Variants in ATOSA observed in about 807,000 individuals in gnomAD.
The protein encoded by ATOSA is atos homolog protein A.
At chr15:52,630,770 G>C in the ATOSA span, among the ~76,000 whole-genome samples, 3 of 151,904 alleles carry the variant, frequency 2.0e-5, no homozygotes, top group African/African-American at 4.8e-5. Context: ...CAAAATTTTG[G>C]AAAAAACAAG....
At chr15:52,584,792 G>A in the ATOSA span, 1 of 1,613,692 alleles carries the variant, frequency 6.2e-7, no homozygotes, top group Non-Finnish European at 8.5e-7. Flanking sequence ...TGTGTCGGAT[G>A]TTCTCTTTAT....
At chr15:52,586,273 C>T in the ATOSA span, 1 of 152,074 alleles carries the variant, frequency 6.6e-6, no homozygotes, top group Non-Finnish European at 1.5e-5. Context: ...TATACACACA[C>T]GTACACATGT....
chr15:52,632,746 A>T, the ATOSA span, among the ~76,000 whole-genome samples: 4 of 152,196 alleles, frequency 2.6e-5, no homozygotes, highest in Non-Finnish European at 4.4e-5. Context: ...ATTTTATACA[A>T]AGGACCAGAA....
the ATOSA span, among the ~76,000 whole-genome samples, chr15:52,623,625 T>C: frequency 6.6e-6 from 1 of 152,046 alleles, no homozygotes; most frequent in Non-Finnish European, 1.5e-5. Context: ...TGGTCAATGG[T>C]CTCAAACACT....
chr15:52,673,338 T>C, the ATOSA span, among the ~76,000 whole-genome samples: 1 of 152,240 alleles, frequency 6.6e-6, no homozygotes, highest in Non-Finnish European at 1.5e-5. Flanking sequence ...CAAAATCTTA[T>C]GGTATTTTAA....
the ATOSA span, among the ~76,000 whole-genome samples, chr15:52,594,665 T>C: frequency 2.6e-5 from 4 of 152,128 alleles, no homozygotes; most frequent in Admixed American, 2.6e-4. Flanking sequence ...CTCTAATCAA[T>C]CCAATCCATA....
At chr15:52,705,957 C>T in the ATOSA span, among the ~76,000 whole-genome samples, 1 of 151,994 alleles carries the variant, frequency 6.6e-6, no homozygotes. Context: ...TATTAATATA[C>T]CATAATTTAT....
At chr15:52,593,210 G>T in the ATOSA span, among the ~76,000 whole-genome samples, 2 of 151,952 alleles carry the variant, frequency 1.3e-5, no homozygotes, top group African/African-American at 4.8e-5. Flanking sequence ...CGAAAAGGGA[G>T]TAAAAGGGCC....
the ATOSA span, among the ~76,000 whole-genome samples, chr15:52,692,418 G>A: frequency 1.3e-5 from 2 of 151,026 alleles, no homozygotes; most frequent in Non-Finnish European, 3.0e-5. Context: ...GTGCAGTGGC[G>A]TGATCCCTGC....
chr15:52,671,267 A>G, the ATOSA span, among the ~76,000 whole-genome samples: 1 of 152,234 alleles, frequency 6.6e-6, no homozygotes, highest in East Asian at 1.9e-4. Flanking sequence ...CCTTAACTGT[A>G]TTTTCAAAAA....
the ATOSA span, among the ~76,000 whole-genome samples, chr15:52,583,875 T>C: frequency 6.6e-6 from 1 of 152,022 alleles, no homozygotes; most frequent in Non-Finnish European, 1.5e-5. Flanking sequence ...ACTAATTAAA[T>C]AGAGCTTTGG....
the ATOSA span, among the ~76,000 whole-genome samples, chr15:52,614,166 C>T: frequency 3.9e-5 from 6 of 152,110 alleles, no homozygotes; most frequent in Admixed American, 2.0e-4. Flanking sequence ...AGTGCAATGG[C>T]GCAATCTCGG....
chr15:52,658,801 C>CAAAAAAAAAAAA, the ATOSA span: 34 of 263,592 alleles, frequency 1.3e-4, 1 homozygote, highest in African/African-American at 1.1e-3. Flanking sequence ...CTCGTTTCTA[C>CAAAAAAAAAAAA]AAAAAAAAAA....
At chr15:52,673,813 G>A in the ATOSA span, among the ~76,000 whole-genome samples, 1 of 152,168 alleles carries the variant, frequency 6.6e-6, no homozygotes, top group Admixed American at 6.5e-5. Context: ...ACCTGCCCAG[G>A]AGTGAATTGT....
At chr15:52,608,565 TA>T in the ATOSA span, 67 of 1,553,416 alleles carry the variant, frequency 4.3e-5, no homozygotes, top group Non-Finnish European at 5.6e-5. Flanking sequence ...AGATGTTACT[TA>T]CCAATACCTC....
the ATOSA span, among the ~76,000 whole-genome samples, chr15:52,702,262 T>G: frequency 2.0e-5 from 3 of 152,158 alleles, no homozygotes; most frequent in Non-Finnish European, 1.5e-5. Context: ...CCTTATCAGG[T>G]ATATATCCAG....
the ATOSA span, among the ~76,000 whole-genome samples, chr15:52,626,259 T>C: frequency 6.6e-6 from 1 of 152,168 alleles, no homozygotes; most frequent in Non-Finnish European, 1.5e-5. Flanking sequence ...TTGTTCCACA[T>C]GTCTCTCCTT....
At chr15:52,615,403 T>G in the ATOSA span, among the ~76,000 whole-genome samples, 1 of 152,174 alleles carries the variant, frequency 6.6e-6, no homozygotes, top group Non-Finnish European at 1.5e-5. Flanking sequence ...TGCTCTTATC[T>G]CGGCCAATCA....
At chr15:52,585,449 A>T in the ATOSA span, 2 of 152,356 alleles carry the variant, frequency 1.3e-5, no homozygotes, top group Non-Finnish European at 2.9e-5. Flanking sequence ...TCTTAGGTAC[A>T]TATGATTATT....
Sources: gnomAD v4.1 joint callset for allele counts (sites outside exome capture counted in the v4.1 genomes callset) on GRCh38, gnomAD v4.1.1 for gene constraint, MANE v1.5 for transcripts, NCBI Gene and HGNC (gene_info 2026-07-23, HGNC 2026-07-21) for gene names.